Variants in RBMY1E observed in about 807,000 individuals in gnomAD.
RBMY1E encodes the protein RNA binding motif protein Y-linked family 1 member E.
chrY:21,903,919 T>C lies in RBMY1E; in HGVS notation c.1468A>G (p.Lys490Glu). 1 of 322,499 alleles carries C rather than the reference T, an allele frequency of 3.1e-6. No homozygotes were observed. Among genetic ancestry groups the C allele is most frequent in the Non-Finnish European group, 4.4e-6 (1 of 229,177 alleles). 80.4% of individuals were successfully genotyped at this position (322,499 alleles called of 400,897 possible). A position where few individuals can be genotyped will look rare whatever the true frequency, so the allele number is the denominator to read the frequency against. The change falls in exon 12 of 12, where the codon AAA becomes GAA. Residue 490 changes from lysine (K) to glutamate (E), a missense_variant. Coordinates refer to ENST00000382659, the MANE Select transcript of RBMY1E (RefSeq NM_001006118.3). ...IVDGGESRSE[K>E]GDSSRY ...CTTTAATATCTGCTCGAGTCTCCTT[T>C]TTCAGATCGACTCTCCCCACCATCT... is the stretch of plus-strand genomic sequence containing the variant.
Sources: gnomAD v4.1 joint callset for allele counts on GRCh38, gnomAD v4.1.1 for gene constraint, MANE v1.5 for transcripts, NCBI Gene and HGNC (gene_info 2026-07-23, HGNC 2026-07-21) for gene names.